POGK: variants seen among roughly 807,000 people sequenced by gnomAD.
POGK encodes pogo transposable element derived with KRAB domain.
POGK carries 16 observed loss-of-function variants against 54.4 expected under a neutral mutation model. The observed-to-expected ratio is 0.29, with a 90% CI of 0.20 to 0.45. The LOEUF is 0.45. Ranked by LOEUF, POGK falls within the 20% of genes least tolerant of loss-of-function variation. POGK has a pLI of 1.00. For synonymous variants in POGK, 271 were observed against 302.2 expected, an observed-to-expected ratio of 0.90 and a Z score of 1.07; for missense variants, 515 against 795.6, an observed-to-expected ratio of 0.65 and a Z score of 4.24.
intron 2 of POGK, among the ~76,000 whole-genome samples, 194 bp from the exon 3 acceptor site, chr1:166,846,418 G>C (rs1657850345): frequency 6.6e-6 from 1 of 152,216 alleles, no homozygotes; most frequent in Admixed American, 6.5e-5. Flanking sequence ...GGGCACAGAA[G>C]GACTGTGCTC....
In POGK at chr1:166,852,635, T is replaced by G. The variant is rs1387412712; in HGVS notation, c.*65T>G. 2 of 152,262 alleles carry G rather than the reference T, an allele frequency of 1.3e-5. No individual in the cohort carries two copies. The highest frequency in any genetic ancestry group is 2.9e-5 in the Non-Finnish European group (2 of 68,052). The allele number at this position is 152,262 out of a possible 1,614,324, so 9.4% of individuals were successfully genotyped here. ...TGGGGATGAAATTCCTCAAGATGAT[T>G]ATTCCTGAAAGTGTGGATGCGCTGG... On this transcript the variant is annotated 3_prime_UTR_variant, in exon 6 of 6. Transcript: ENST00000367876.
At position 166,855,893 on chromosome 1, in the gene POGK, CTA is replaced by C. The variant is rs1658257544; in HGVS notation, c.*3327_*3328del. ...ATATTGAGTAGTCCAAACCAAAAAA[CTA>C]TATTCGAGTATCAGTTTAAATTCTT... On this transcript the variant is annotated 3_prime_UTR_variant, in exon 6 of 6. Coordinates refer to ENST00000367876, the MANE Select transcript of POGK (RefSeq NM_017542.5). 1 of 151,140 alleles carries C rather than the reference CTA, an allele frequency of 6.6e-6. No homozygotes were observed. The highest frequency in any genetic ancestry group is 2.1e-4 in the South Asian group (1 of 4,798). 9.4% of individuals were successfully genotyped at this position (151,140 alleles called of 1,614,324 possible).
At chr1:166,841,198 C>T (rs1456542660) in intron 2 of POGK, 110 bp downstream of exon 2, 7 of 1,429,044 alleles carry the variant, frequency 4.9e-6, no homozygotes, top group East Asian at 2.4e-5. Context: ...TAGCCCAGCC[C>T]GGTGTGTTTG....
chr1:166,855,251 A>G lies in POGK; in HGVS notation c.*2681A>G, dbSNP rs1222536933. On this transcript the variant is annotated 3_prime_UTR_variant, in exon 6 of 6. Transcript: ENST00000367876. ...TTATCACACCTGGTTTTGCACAGTG[A>G]TAAATTCCTGCAGGAAAAAATAAGT... 6.6e-6 allele frequency: 1 copy of G among 152,242 alleles called. No individual in the cohort carries two copies. Among genetic ancestry groups the G allele is most frequent in the Non-Finnish European group, 1.5e-5 (1 of 68,034 alleles). 9.4% of individuals were successfully genotyped at this position (152,242 alleles called of 1,614,324 possible). A position where few individuals can be genotyped will look rare whatever the true frequency, so the allele number is the denominator to read the frequency against.
rs1222270328 is a variant in POGK, at chr1:166,849,555, C to G, written c.976C>G (p.Pro326Ala). The G allele has an allele frequency of 3.7e-6, 6 of 1,614,254 alleles. No individual in the cohort carries two copies. The highest frequency in any genetic ancestry group is 5.1e-6 in the Non-Finnish European group (6 of 1,180,048). The change falls in exon 5 of 6, where the codon CCC becomes GCC. Residue 326 changes from proline (P) to alanine (A), a missense_variant. By Grantham distance (27) the Pro-to-Ala change is conservative (BLOSUM62 -1). Coordinates refer to ENST00000367876, the MANE Select transcript of POGK (RefSeq NM_017542.5). The part of the protein sequence containing the change: ...RYDLSLRHKV[P>A]VPQHLPEDLT... ...TGACCTGTCTCTGAGGCATAAAGTGCCCGTGCCCCAGCACCTGCCGGAAGA... is the reference window on the plus strand; with the variant it reads ...TGACCTGTCTCTGAGGCATAAAGTGGCCGTGCCCCAGCACCTGCCGGAAGA...
Position 166,850,424 on chromosome 1 carries a change from G to A in POGK, c.*14+1G>A, listed in dbSNP as rs372296246. On this transcript the variant is annotated splice_donor_variant, in intron 5 of 5. Coordinates refer to ENST00000367876, the MANE Select transcript of POGK (RefSeq NM_017542.5). LOFTEE classifies it low-confidence loss of function (3UTR_SPLICE). ...AGAGCAACTGAAGGGAAAGGGAAAG[G>A]TAACCACTCAGGAGTAGATACTCAG... The A allele has an allele frequency of 2.5e-6, 4 of 1,590,028 alleles. No individual in the cohort carries two copies. Among genetic ancestry groups the A allele is most frequent in the African/African-American group, 1.3e-5 (1 of 74,638 alleles).
rs752253527 is a variant in POGK at position 166,849,888 on chromosome 1, C to A, written c.1309C>A (p.Arg437=). ...FPSGMEIRCH[R]YGWMTEDLMQ... ...CAGTGGGATGGAAATTCGCTGCCAC[C>A]GGTATGGGTGGATGACTGAAGACTT... Residue 437 remains arginine, a synonymous_variant, in exon 5 of 6, where the codon CGG becomes AGG. Coordinates refer to ENST00000367876, the MANE Select transcript of POGK (RefSeq NM_017542.5). 1 of 1,614,182 alleles carries A rather than the reference C, an allele frequency of 6.2e-7. No individual in the cohort carries two copies. The highest frequency in any genetic ancestry group is 1.1e-5 in the South Asian group (1 of 91,086).
chr1:166,841,487 T>C (rs764831699), intron 2 of POGK, among the ~76,000 whole-genome samples: 4 of 152,198 alleles, frequency 2.6e-5, no homozygotes, highest in Non-Finnish European at 4.4e-5. Context: ...TTAGGCTAGT[T>C]GGTTCTGTGT....
Position 166,849,713 on chromosome 1 carries a change from T to G in POGK, c.1134T>G (p.Val378=). 1 of 1,614,278 alleles carries G rather than the reference T, an allele frequency of 6.2e-7. No individual in the cohort carries two copies. Among genetic ancestry groups the G allele is most frequent in the Non-Finnish European group, 8.5e-7 (1 of 1,180,052 alleles). ...TAGAGGTGCCATCACGGGTAACTGT[T>G]GATAACCAGGGCGAAAAGCCTGTCT... The part of the protein sequence containing the change: ...ICLEVPSRVT[V]DNQGEKPVLV... The change falls in exon 5 of 6, where the codon GTT becomes GTG. Residue 378 remains valine, a synonymous_variant. Transcript: ENST00000367876.
chr1:166,842,843 C>T (rs1657570885), intron 2 of POGK, among the ~76,000 whole-genome samples: 1 of 150,864 alleles, frequency 6.6e-6, no homozygotes. Flanking sequence ...CCCCCCACCA[C>T]CACACACACA....
chr1:166,850,462 C>T, intron 5 of POGK, 39 bp downstream of exon 5: 1 of 1,534,244 alleles, frequency 6.5e-7, no homozygotes, highest in Non-Finnish European at 8.7e-7. Context: ...CCTTTGCTGA[C>T]ATGTCTGTGT....
intron 3 of POGK, 117 bp downstream of exon 3, chr1:166,846,855 C>T: frequency 7.4e-7 from 1 of 1,355,166 alleles, no homozygotes; most frequent in Non-Finnish European, 1.0e-6. Context: ...TCTGCCTCCT[C>T]AATGTCTGTG....
Position 166,844,060 on chromosome 1 carries a change from G to A in POGK, c.133-2552G>A, listed in dbSNP as rs191932645. On this transcript the variant is annotated intron_variant, in intron 2 of 5. Coordinates refer to ENST00000367876, the MANE Select transcript of POGK (RefSeq NM_017542.5). The stretch of plus-strand genomic sequence containing the variant: ...GAAGGATCGCTCCATTCTCACAGAG[G>A]CTTGCTGTGAGGAGAATGTCTAAGC... Among the ~76,000 whole-genome samples, 3 of 152,346 alleles carry A rather than the reference G, an allele frequency of 2.0e-5. No homozygotes were observed. In the East Asian group the frequency reaches 5.8e-4, roughly 29 times the overall value.
At chr1:166,847,047 G>A (rs2101758232) in intron 3 of POGK, among the ~76,000 whole-genome samples, 1 of 152,314 alleles carries the variant, frequency 6.6e-6, no homozygotes, top group Admixed American at 6.5e-5. Context: ...CCTTACGAGA[G>A]AAGGCAGGCG....
rs761436971 is a variant in POGK at position 166,850,351 on chromosome 1, CAGG to C, written c.1781_1783del (p.Gly594del). The C allele has an allele frequency of 9.3e-6, 15 of 1,613,286 alleles. No individual in the cohort carries two copies. In the East Asian group the frequency reaches 2.2e-4, roughly 24 times the overall value. ...CTGTGGGAAATCGAGAGTGAGTTGC[CAGG>C]AGGAGGAGAACCACCAAAAGATTGT... On this transcript the variant is annotated inframe_deletion, in exon 5 of 6. Transcript: ENST00000367876.
chr1:166,850,490 T>G, intron 5 of POGK, 67 bp downstream of exon 5: 1 of 1,476,130 alleles, frequency 6.8e-7, no homozygotes, highest in Non-Finnish European at 9.0e-7. Flanking sequence ...ACACCTTCTC[T>G]CCATTATTTT....
Position 166,853,537 on chromosome 1 carries a change from A to C in POGK, c.*967A>C, listed in dbSNP as rs1267480092. ...AGCCACAGCTGTTTTAAGACTTCTGATCTCCTGCCCTGCAGGAATAGGTGG... is the reference window on the plus strand; with the variant it reads ...AGCCACAGCTGTTTTAAGACTTCTGCTCTCCTGCCCTGCAGGAATAGGTGG... On this transcript the variant is annotated 3_prime_UTR_variant, in exon 6 of 6. Transcript: ENST00000367876. 1 of 152,610 alleles carries C rather than the reference A, an allele frequency of 6.6e-6. No individual in the cohort carries two copies. The allele number at this position is 152,610 out of a possible 1,614,324, so 9.5% of individuals were successfully genotyped here. A position where few individuals can be genotyped will look rare whatever the true frequency, so the allele number is the denominator to read the frequency against.
rs923771577 is a variant in POGK, at chr1:166,854,528, G to A, written c.*1958G>A. ...TAGCATTGTGAAAAGTTACATTCAA[G>A]GTATTGGCTACACCTTATTCTCCAT... On this transcript the variant is annotated 3_prime_UTR_variant, in exon 6 of 6. Transcript: ENST00000367876. 6.6e-6 allele frequency: 1 copy of A among 152,144 alleles called. No homozygotes were observed. Among genetic ancestry groups the A allele is most frequent in the African/African-American group, 2.4e-5 (1 of 41,420 alleles). 9.4% of individuals were successfully genotyped at this position (152,144 alleles called of 1,614,324 possible).
rs569863058 is a variant in POGK, at chr1:166,850,541, T to G, written c.*14+118T>G. The G allele has an allele frequency of 6.6e-6, 8 of 1,217,274 alleles. No individual in the cohort carries two copies. The Admixed American group carries it at 2.1e-4, about 31-fold the overall frequency. The allele number at this position is 1,217,274 out of a possible 1,614,324, so 75.4% of individuals were successfully genotyped here. On this transcript the variant is annotated intron_variant, in intron 5 of 5. Transcript: ENST00000367876. ...CCTTAGAGCCTACAGTGCAGTAGTG[T>G]AGATCAGGGGTCCCCAACCCCCAGG... is the stretch of plus-strand genomic sequence containing the variant.
Sources: allele counts gnomAD v4.1 joint callset (sites outside exome capture counted in the v4.1 genomes callset), GRCh38; gene constraint gnomAD v4.1.1; transcripts MANE v1.5; gene names NCBI Gene and HGNC (gene_info 2026-07-23, HGNC 2026-07-21).